ADAMTS12: variants seen among roughly 807,000 people sequenced by gnomAD.
ADAMTS12 encodes ADAM metallopeptidase with thrombospondin type 1 motif 12, also known as A disintegrin and metalloproteinase with thrombospondin motifs 12.
ADAMTS12 carries 118 observed loss-of-function variants against 167.8 expected under a neutral mutation model. That is an observed-to-expected ratio of 0.70 (90% CI 0.61 to 0.82). The LOEUF (loss-of-function observed/expected upper bound fraction) is 0.82, where lower values mean the gene tolerates loss of function less well. Ranked by LOEUF, ADAMTS12 falls within the 40% of genes least tolerant of loss-of-function variation. The probability of loss-of-function intolerance (pLI) is 0.00; values close to 1 mark genes in which losing one functional copy is unlikely to be tolerated. For missense variants in ADAMTS12, 1,916 were observed against 1,998.8 expected (o/e 0.96, Z 0.79); for synonymous variants, 704 against 716.9 (o/e 0.98, Z 0.29).
At chr5:33,527,939 T>C (rs188950952) in intron 23 of ADAMTS12, among the ~76,000 whole-genome samples, 18 of 152,228 alleles carry the variant, frequency 1.2e-4, no homozygotes, top group African/African-American at 4.3e-4. Flanking sequence ...TGACTGTGCA[T>C]TATATGAAAA....
At chr5:33,622,274 A>G (rs1428137684) in intron 14 of ADAMTS12, among the ~76,000 whole-genome samples, 2 of 152,210 alleles carry the variant, frequency 1.3e-5, no homozygotes, top group African/African-American at 2.4e-5. Context: ...AGACCTGGGG[A>G]CAACAACTCT....
chr5:33,759,207 G>A (rs9790860), intron 2 of ADAMTS12, among the ~76,000 whole-genome samples: 22,943 of 152,168 alleles, frequency 0.15, 2,319 homozygotes, highest in East Asian at 0.55. Flanking sequence ...ACTCCCAAAC[G>A]GAGATTTCTT....
At chr5:33,850,516 A>G (rs1749183342) in intron 2 of ADAMTS12, among the ~76,000 whole-genome samples, 1 of 152,170 alleles carries the variant, frequency 6.6e-6, no homozygotes, top group Non-Finnish European at 1.5e-5. Context: ...GCCTACCTGG[A>G]AAGCCCAACA....
chr5:33,703,449 A>G (rs1024706033), intron 3 of ADAMTS12, among the ~76,000 whole-genome samples: 1 of 152,204 alleles, frequency 6.6e-6, no homozygotes, highest in African/African-American at 2.4e-5. Context: ...ATGTTTAAGT[A>G]TATAATAGAG....
chr5:33,719,204 C>G (rs1479766775), intron 3 of ADAMTS12, among the ~76,000 whole-genome samples: 3 of 152,060 alleles, frequency 2.0e-5, no homozygotes, highest in Non-Finnish European at 4.4e-5. Flanking sequence ...GGAATAGATA[C>G]AGATATTTGC....
chr5:33,789,020 G>A lies in ADAMTS12; in HGVS notation c.490-37472C>T, dbSNP rs76973020. The stretch of plus-strand genomic sequence containing the variant: ...CCAGCTGGCCAAAAATGTGAGTCAG[G>A]GTACAGAAATCTGAACCACATCCAC... On this transcript the variant is annotated intron_variant, in intron 2 of 23. Coordinates refer to ENST00000504830, the MANE Select transcript of ADAMTS12 (RefSeq NM_030955.4). Among the ~76,000 whole-genome samples the A allele has an allele frequency of 5.3e-5, 8 of 152,168 alleles. No individual in the cohort carries two copies. In the East Asian group the frequency reaches 1.5e-3, roughly 29 times the overall value.
chr5:33,586,093 T>A (rs1747333482), intron 18 of ADAMTS12, among the ~76,000 whole-genome samples: 1 of 152,162 alleles, frequency 6.6e-6, no homozygotes, highest in Non-Finnish European at 1.5e-5. Context: ...CAAATGCAGA[T>A]GAAAATGACA....
At chr5:33,843,801 G>A (rs146674550) in intron 2 of ADAMTS12, among the ~76,000 whole-genome samples, 2 of 152,208 alleles carry the variant, frequency 1.3e-5, no homozygotes, top group Non-Finnish European at 2.9e-5. Flanking sequence ...GGCCTAGGCA[G>A]TGTGGATACT....
At chr5:33,633,711 A>T (rs1260761830) in intron 12 of ADAMTS12, among the ~76,000 whole-genome samples, 1 of 152,038 alleles carries the variant, frequency 6.6e-6, no homozygotes, top group East Asian at 1.9e-4. Context: ...GATCTGCAGG[A>T]GGAGGCAAGG....
At chr5:33,550,499 G>T (rs945873449) in intron 20 of ADAMTS12, among the ~76,000 whole-genome samples, 1 of 152,168 alleles carries the variant, frequency 6.6e-6, no homozygotes, top group African/African-American at 2.4e-5. Flanking sequence ...CGTCAGCCCA[G>T]GTTCTTCCCC....
chr5:33,603,169 G>A (rs2112057797), intron 16 of ADAMTS12, among the ~76,000 whole-genome samples: 1 of 152,250 alleles, frequency 6.6e-6, no homozygotes, highest in South Asian at 2.1e-4. Context: ...GGCCATTCCA[G>A]GACACAGGAA....
chr5:33,730,106 C>T (rs369894757), intron 3 of ADAMTS12, among the ~76,000 whole-genome samples: 12 of 152,266 alleles, frequency 7.9e-5, no homozygotes, highest in Admixed American at 2.0e-4. Flanking sequence ...TACCCACCCA[C>T]GGGTAGAAAG....
In ADAMTS12 at chr5:33,661,976, C is replaced by A. The variant is rs1561200813; in HGVS notation, c.980G>T (p.Ser327Ile). 6.2e-7 allele frequency: 1 copy of A among 1,613,332 alleles called. No individual in the cohort carries two copies. Among genetic ancestry groups the A allele is most frequent in the Admixed American group, 1.7e-5 (1 of 59,972 alleles). ...ATTGAGGTCACTCTTGGGATTGATA[C>A]TCTTCTGCCACTTGCAGAAGCTAGA... ...TLSSFCKWQK[S>I]INPKSDLNPV... Residue 327 changes from serine to isoleucine, a missense_variant, in exon 6 of 24, where the codon AGT (serine) becomes ATT (isoleucine). Physicochemically the swap from Ser to Ile is moderately radical, Grantham distance 142. Coordinates refer to ENST00000504830, the MANE Select transcript of ADAMTS12 (RefSeq NM_030955.4).
At position 33,525,032 on chromosome 5, in the gene ADAMTS12, G is replaced by C. The variant is rs535254971; in HGVS notation, c.*2156C>G. 2.3e-4 allele frequency: 35 copies of C among 152,296 alleles called. No homozygotes were observed. The highest frequency in any genetic ancestry group is 7.9e-4 in the African/African-American group (33 of 41,562). 9.4% of individuals were successfully genotyped at this position (152,296 alleles called of 1,614,324 possible). A position where few individuals can be genotyped will look rare whatever the true frequency, so the allele number is the denominator to read the frequency against. On this transcript the variant is annotated 3_prime_UTR_variant, in exon 24 of 24. Transcript: ENST00000504830. ...AGTTTTGTAAGCCTGGTCATACCCA[G>C]GTCTCTGATGACACGTATTTGACCC...
intron 3 of ADAMTS12, among the ~76,000 whole-genome samples, chr5:33,723,231 A>G (rs538411186): frequency 1.3e-5 from 2 of 152,290 alleles, no homozygotes; most frequent in African/African-American, 4.8e-5. Context: ...AAAGGTTTTG[A>G]GAAGCGAACT....
chr5:33,752,559 C>T (rs531865822), intron 2 of ADAMTS12, among the ~76,000 whole-genome samples: 7 of 152,190 alleles, frequency 4.6e-5, no homozygotes, highest in South Asian at 2.1e-4. Context: ...GTATGCAAAG[C>T]TCTTAGAAGA....
chr5:33,749,235 T>C (rs1485282624), intron 3 of ADAMTS12, among the ~76,000 whole-genome samples: 1 of 152,120 alleles, frequency 6.6e-6, no homozygotes, highest in Non-Finnish European at 1.5e-5. Context: ...ATAGGGCTTG[T>C]GAGAATTATT....
At chr5:33,599,883 T>A (rs1192758230) in intron 16 of ADAMTS12, among the ~76,000 whole-genome samples, 1 of 152,256 alleles carries the variant, frequency 6.6e-6, no homozygotes, top group East Asian at 1.9e-4. Context: ...GTTATCATTA[T>A]GTGACACTGC....
intron 16 of ADAMTS12, among the ~76,000 whole-genome samples, chr5:33,607,174 T>C (rs1223412026): frequency 2.0e-5 from 3 of 152,080 alleles, no homozygotes; most frequent in Non-Finnish European, 4.4e-5. Context: ...ATATCTCTTA[T>C]TGTCTATTGG....
Sources: gnomAD v4.1 joint callset for allele counts (sites outside exome capture counted in the v4.1 genomes callset) on GRCh38, gnomAD v4.1.1 for gene constraint, MANE v1.5 for transcripts, NCBI Gene and HGNC (gene_info 2026-07-23, HGNC 2026-07-21) for gene names.